Variants in TET1 observed in about 807,000 individuals in gnomAD.
The protein encoded by TET1 is tet methylcytosine dioxygenase 1, also known as methylcytosine dioxygenase TET1.
A neutral mutation model predicts 148.7 loss-of-function variants in TET1; 13 were observed. The observed-to-expected ratio is 0.09, with a 90% CI of 0.06 to 0.14. TET1 has a LOEUF of 0.14. TET1 is among the 10% of genes least tolerant of loss of function. The pLI is 1.00. For missense variants in TET1, 2,182 were observed against 2,553.8 expected, an observed-to-expected ratio of 0.85 and a Z score of 3.14; for synonymous variants, 907 against 937.2, an observed-to-expected ratio of 0.97 and a Z score of 0.59.
intron 1 of TET1, among the ~76,000 whole-genome samples, chr10:68,567,892 A>G (rs2053624909): frequency 6.6e-6 from 1 of 152,008 alleles, no homozygotes; most frequent in Non-Finnish European, 1.5e-5. Flanking sequence ...TTCCTACACC[A>G]TGAGACGGAG....
At chr10:68,575,617 G>A (rs892339155) in intron 2 of TET1, among the ~76,000 whole-genome samples, 1 of 151,884 alleles carries the variant, frequency 6.6e-6, no homozygotes, top group Non-Finnish European at 1.5e-5. Context: ...CAGTAGAATC[G>A]CTTGAACCCG....
intron 1 of TET1, among the ~76,000 whole-genome samples, chr10:68,563,092 A>C (rs904003792): frequency 1.3e-5 from 2 of 151,736 alleles, no homozygotes; most frequent in African/African-American, 4.9e-5. Context: ...TTGTCTTCGG[A>C]AGGACAGTTC....
chr10:68,630,259 T>C (rs573367769), intron 3 of TET1, among the ~76,000 whole-genome samples: 1 of 152,146 alleles, frequency 6.6e-6, no homozygotes, highest in African/African-American at 2.4e-5. Context: ...GTACTGGGAT[T>C]AAAGCAGGTA....
chr10:68,569,139 C>T (rs1401475527), intron 1 of TET1, among the ~76,000 whole-genome samples: 1 of 147,338 alleles, frequency 6.8e-6, no homozygotes, highest in African/African-American at 2.5e-5. Context: ...GGTAGGAATA[C>T]TGCTGGATCT....
intron 7 of TET1, among the ~76,000 whole-genome samples, chr10:68,672,487 CAAAAAAAAAA>C (rs71483920): frequency 2.0e-5 from 1 of 49,732 alleles, no homozygotes; most frequent in Admixed American, 3.9e-4. Context: ...GACCCCATCT[CAAAAAAAAAA>C]AAAAAAAAAA....
At chr10:68,629,086 C>T (rs117014036) in intron 3 of TET1, among the ~76,000 whole-genome samples, 4,915 of 152,186 alleles carry the variant, frequency 0.032, 127 homozygotes, top group Admixed American at 0.046. Context: ...GCATGTATGC[C>T]GGGCGCGGTG....
chr10:68,572,549 A>G lies in TET1; in HGVS notation c.211A>G (p.Arg71Gly), dbSNP rs773573298. The G allele has an allele frequency of 3.7e-6, 6 of 1,613,996 alleles. No individual in the cohort carries two copies. In the Middle Eastern group the frequency reaches 6.6e-4, roughly 177 times the overall value. The change falls in exon 2 of 12, where the codon AGA becomes GGA. Residue 71 changes from arginine to glycine, a missense_variant. Physicochemically the swap from Arg to Gly is moderately radical, Grantham distance 125 (BLOSUM62 -2). Around this residue, in one of 11 missense-constraint regions of TET1, gnomAD observed 665 missense variants for 672.4 expected, o/e 0.99. Coordinates refer to ENST00000373644, the MANE Select transcript of TET1 (RefSeq NM_030625.3). Reference sequence around the variant, plus strand: ...AGAACCTAAACCACCCGTGCCAGTCAGAAGCCTTCTGACAAGAGCTGGAGC... The same window carrying G: ...AGAACCTAAACCACCCGTGCCAGTCGGAAGCCTTCTGACAAGAGCTGGAGC... ...KTEPKPPVPVRSLLTRAGAAR... is the reference protein window; with the variant it reads ...KTEPKPPVPVGSLLTRAGAAR...
intron 2 of TET1, among the ~76,000 whole-genome samples, chr10:68,579,567 C>T (rs1395812109): frequency 6.6e-6 from 1 of 152,232 alleles, no homozygotes; most frequent in Non-Finnish European, 1.5e-5. Flanking sequence ...TAACAAGCTC[C>T]CCTTAGGGGA....
chr10:68,667,123 G>C lies in TET1; in HGVS notation c.4540G>C (p.Val1514Leu). 6.2e-7 allele frequency: 1 copy of C among 1,614,190 alleles called. No individual in the cohort carries two copies. The highest frequency in any genetic ancestry group is 8.5e-7 in the Non-Finnish European group (1 of 1,180,044). ...QRTGHHCPTA[V>L]MVVLIMVWDG... ...TACAGGCCACCACTGTCCAACTGCT[G>C]TGATGGTGGTGCTCATCATGGTGTG... is the stretch of plus-strand genomic sequence containing the variant. The change falls in exon 7 of 12, where the codon GTG (valine) becomes CTG (leucine). Residue 1514 changes from valine (V) to leucine (L), a missense_variant. Around this residue, in one of 11 missense-constraint regions of TET1, gnomAD observed 169 missense variants for 263.7 expected, o/e 0.64. Transcript: ENST00000373644.
intron 6 of TET1, among the ~76,000 whole-genome samples, chr10:68,655,540 G>T (rs2055008695): frequency 6.6e-6 from 1 of 152,210 alleles, no homozygotes; most frequent in Admixed American, 6.5e-5. Context: ...GTCCAAAAGA[G>T]AGAAATGTAA....
intron 6 of TET1, among the ~76,000 whole-genome samples, chr10:68,656,537 A>T (rs2055024473): frequency 6.6e-6 from 1 of 152,118 alleles, no homozygotes; most frequent in Non-Finnish European, 1.5e-5. Flanking sequence ...GCTAAAATAG[A>T]TTTTTTAACA....
intron 1 of TET1, among the ~76,000 whole-genome samples, chr10:68,563,871 G>A (rs2053580284): frequency 1.3e-5 from 2 of 152,038 alleles, no homozygotes; most frequent in African/African-American, 4.8e-5. Flanking sequence ...TAGTAGAGAT[G>A]GGGTTTTACT....
At chr10:68,642,869 T>A (rs188577938) in intron 3 of TET1, among the ~76,000 whole-genome samples, 4 of 152,286 alleles carry the variant, frequency 2.6e-5, no homozygotes, top group Non-Finnish European at 1.5e-5. Flanking sequence ...CCTCCCAAAG[T>A]GCTAGGATTA....
intron 6 of TET1, among the ~76,000 whole-genome samples, chr10:68,660,772 T>A (rs180980240): frequency 4.6e-5 from 7 of 151,972 alleles, no homozygotes; most frequent in Admixed American, 3.9e-4. Context: ...GGGATTGTCC[T>A]GCCTCAGCCT....
At chr10:68,643,736 C>T (rs1021026659) in intron 3 of TET1, among the ~76,000 whole-genome samples, 1 of 151,664 alleles carries the variant, frequency 6.6e-6, no homozygotes, top group African/African-American at 2.4e-5. Flanking sequence ...TTGCTCGAAC[C>T]CGGGAGGCAG....
rs1216191035 is a variant in TET1 at position 68,624,644 on chromosome 10, CT to C, written c.1969-20051del. The stretch of plus-strand genomic sequence containing the variant: ...TCTTTCTTTCTTTCTTTCTTTCTTT[CT>C]TTCTTTCTTTCTTTCTCTCTCTCTC... On this transcript the variant is annotated intron_variant, in intron 3 of 11. Transcript: ENST00000373644. Among the ~76,000 whole-genome samples the C allele has an allele frequency of 1.4e-4, 7 of 51,478 alleles. No homozygotes were observed. In the East Asian group the frequency reaches 3.1e-3, roughly 23 times the overall value. 33.8% of individuals were successfully genotyped at this position (51,478 alleles called of 152,430 possible).
At chr10:68,681,510 T>G in intron 9 of TET1, 22 bp downstream of exon 9, 1 of 1,524,034 alleles carries the variant, frequency 6.6e-7, no homozygotes, top group Non-Finnish European at 9.1e-7. Context: ...TATGAACTTT[T>G]TATTTATTTA....
At chr10:68,683,588 AT>A (rs2055468301) in intron 10 of TET1, among the ~76,000 whole-genome samples, 1 of 152,004 alleles carries the variant, frequency 6.6e-6, no homozygotes, top group South Asian at 2.1e-4. Context: ...AATTTTTTGT[AT>A]TTTTAGTAGA....
At chr10:68,601,055 TA>T in intron 3 of TET1, 21 bp downstream of exon 3, 2 of 1,581,140 alleles carry the variant, frequency 1.3e-6, no homozygotes, top group South Asian at 2.4e-5. Context: ...GTTGATTAAA[TA>T]ATATTTCATT....
Sources: allele counts gnomAD v4.1 joint callset (sites outside exome capture counted in the v4.1 genomes callset), GRCh38; gene constraint gnomAD v4.1.1; regional missense constraint gnomAD v4.1.1; transcripts MANE v1.5; gene names NCBI Gene and HGNC (gene_info 2026-07-23, HGNC 2026-07-21).